The following HAPLN1 variants were observed in gnomAD, a reference collection of about 807,000 sequenced individuals.
The protein encoded by HAPLN1 is Cartilage link protein.
HAPLN1 carries 13 observed loss-of-function variants against 36.5 expected under a neutral mutation model. That is an observed-to-expected ratio of 0.36 (90% CI 0.23 to 0.57). The LOEUF (loss-of-function observed/expected upper bound fraction) is 0.57. HAPLN1 is among the 20% of genes least tolerant of loss of function. The probability of loss-of-function intolerance (pLI) is 0.83; values close to 1 mark genes in which losing one functional copy is unlikely to be tolerated. For missense variants in HAPLN1, 407 were observed against 439.7 expected, an observed-to-expected ratio of 0.93 and a Z score of 0.66; for synonymous variants, 202 against 169.8, an observed-to-expected ratio of 1.19 and a Z score of -1.48.
intron 1 of HAPLN1, among the ~76,000 whole-genome samples, chr5:83,719,229 G>A (rs140035300): frequency 4.6e-5 from 7 of 152,274 alleles, no homozygotes; most frequent in African/African-American, 1.7e-4. Context: ...AGTACATAAT[G>A]TTTCCCCACC....
intron 2 of HAPLN1, among the ~76,000 whole-genome samples, chr5:83,655,076 AT>A (rs1178247049): frequency 6.6e-6 from 1 of 152,232 alleles, no homozygotes; most frequent in Non-Finnish European, 1.5e-5. Context: ...TTAGTCTTCC[AT>A]AATTTCACTT....
rs182020995 is a variant in HAPLN1 at position 83,639,436 on chromosome 5, T to G, written c.*2060A>C. On this transcript the variant is annotated 3_prime_UTR_variant, in exon 5 of 5. Transcript: ENST00000274341. Reference sequence around the variant, plus strand: ...CATTTAACATTATAAAGTAGAGTTCTGGACATAACTGAAAATTAGATGTTT... The same window carrying G: ...CATTTAACATTATAAAGTAGAGTTCGGGACATAACTGAAAATTAGATGTTT... The G allele has an allele frequency of 6.6e-6, 1 of 152,212 alleles. No homozygotes were observed. Among genetic ancestry groups the G allele is most frequent in the African/African-American group, 2.4e-5 (1 of 41,584 alleles). The allele number at this position is 152,212 out of a possible 1,614,324, so 9.4% of individuals were successfully genotyped here.
intron 3 of HAPLN1, among the ~76,000 whole-genome samples, chr5:83,647,524 T>A (rs1233287572): frequency 1.3e-5 from 2 of 152,218 alleles, no homozygotes; most frequent in Non-Finnish European, 2.9e-5. Flanking sequence ...ATTTTATTTG[T>A]TTACTTATTA....
intron 1 of HAPLN1, chr5:83,674,875 G>A (rs1399896284): frequency 6.6e-6 from 1 of 152,160 alleles, no homozygotes; most frequent in African/African-American, 2.4e-5. Context: ...CCCCTGTGAA[G>A]ATTTGCACTA....
At chr5:83,713,052 A>T in intron 1 of HAPLN1, among the ~76,000 whole-genome samples, 1 of 152,208 alleles carries the variant, frequency 6.6e-6, no homozygotes, top group East Asian at 1.9e-4. Context: ...ATGGTAAGCT[A>T]AACAACATGG....
chr5:83,673,818 G>A, intron 1 of HAPLN1: 1 of 302,592 alleles, frequency 3.3e-6, no homozygotes, highest in Non-Finnish European at 6.1e-6. Flanking sequence ...ACTGTAGTTT[G>A]GATAGAGAAT....
chr5:83,663,888 G>C (rs1358876283), intron 2 of HAPLN1, among the ~76,000 whole-genome samples: 1 of 139,806 alleles, frequency 7.2e-6, no homozygotes, highest in Non-Finnish European at 1.5e-5. Context: ...TTTCTCACCT[G>C]AACTTTCAAG....
chr5:83,664,715 A>C (rs336952), intron 2 of HAPLN1, among the ~76,000 whole-genome samples: 56,544 of 151,962 alleles, frequency 0.37, 10,729 homozygotes, highest in East Asian at 0.55. Flanking sequence ...TTTATATGTA[A>C]TTTTGCTTTC....
At chr5:83,648,395 C>CCATATATATA (rs1248172103) in intron 3 of HAPLN1, among the ~76,000 whole-genome samples, 15 of 60,666 alleles carry the variant, frequency 2.5e-4, no homozygotes, top group African/African-American at 8.3e-4. Context: ...CTATATTTGA[C>CCATATATATA]TATATATATA....
chr5:83,655,779 T>C (rs1750192264), intron 2 of HAPLN1, among the ~76,000 whole-genome samples: 1 of 152,148 alleles, frequency 6.6e-6, no homozygotes, highest in African/African-American at 2.4e-5. Context: ...CCTTAGCTGT[T>C]GGACTCTGCT....
intron 2 of HAPLN1, among the ~76,000 whole-genome samples, chr5:83,656,228 T>C: frequency 6.9e-6 from 1 of 145,422 alleles, no homozygotes; most frequent in African/African-American, 2.6e-5. Flanking sequence ...CTCGGGAGGC[T>C]GAAGCAGGAG....
rs2112562465 is a variant in HAPLN1, at chr5:83,649,613, TA to T, written c.472+2839del. ...ACAGGCACGTACCACCATGCCAGGCTAATTTTTGTATTTTTAGTAGAGATGG... is the reference window on the plus strand; with the variant it reads ...ACAGGCACGTACCACCATGCCAGGCTATTTTTGTATTTTTAGTAGAGATGG... On this transcript the variant is annotated intron_variant, in intron 3 of 4. Transcript: ENST00000274341. 1.3e-5 allele frequency among the ~76,000 whole-genome samples: 2 copies of T among 152,202 alleles called. 1 individual carries two copies. Among genetic ancestry groups the T allele is most frequent in the South Asian group, 4.2e-4 (2 of 4,814 alleles).
chr5:83,705,324 A>G (rs1431667568), intron 1 of HAPLN1, among the ~76,000 whole-genome samples: 1 of 140,600 alleles, frequency 7.1e-6, no homozygotes, highest in Admixed American at 7.7e-5. Flanking sequence ...TGGGAGGCGG[A>G]GATTTCAGTG....
At chr5:83,704,830 A>G (rs1013962047) in intron 1 of HAPLN1, among the ~76,000 whole-genome samples, 3 of 152,214 alleles carry the variant, frequency 2.0e-5, no homozygotes, top group African/African-American at 7.2e-5. Context: ...TTCCACTGAC[A>G]GTATTAGACA....
intron 1 of HAPLN1, among the ~76,000 whole-genome samples, chr5:83,707,179 T>G (rs2085451): frequency 6.6e-6 from 1 of 151,952 alleles, no homozygotes; most frequent in Non-Finnish European, 1.5e-5. Context: ...TATAGATTCA[T>G]TGCTATTCCT....
At chr5:83,644,220 TTA>T (rs1749784732) in intron 4 of HAPLN1, 141 bp downstream of exon 4, 1 of 639,722 alleles carries the variant, frequency 1.6e-6, no homozygotes, top group Non-Finnish European at 2.3e-6. Flanking sequence ...CAAGAACTTT[TTA>T]TATCTTTTTA....
chr5:83,667,579 C>T (rs187108887), intron 2 of HAPLN1, among the ~76,000 whole-genome samples: 268 of 152,024 alleles, frequency 1.8e-3, no homozygotes, highest in African/African-American at 5.9e-3. Flanking sequence ...CTCAAAAAGA[C>T]GAAAATGAAT....
Position 83,641,500 on chromosome 5 carries a change from T to C in HAPLN1, c.1061A>G (p.Asn354Ser), listed in dbSNP as rs371820521. 1.9e-6 allele frequency: 3 copies of C among 1,598,812 alleles called. No individual in the cohort carries two copies. Among genetic ancestry groups the C allele is most frequent in the African/African-American group, 1.3e-5 (1 of 74,388 alleles). Residue 354 changes from asparagine (N) to serine (S), a missense_variant, in exon 5 of 5, where the codon AAC becomes AGC. Asn to Ser is a conservative substitution (Grantham distance 46). Coordinates refer to ENST00000274341, the MANE Select transcript of HAPLN1 (RefSeq NM_001884.4). ...LYGVYCFRAY[N>S] Reference sequence around the variant, plus strand: ...TGATGCGCTCTAAGGGCACATTCAGTTGTATGCTCTGAAGCAGTAGACACC... The same window carrying C: ...TGATGCGCTCTAAGGGCACATTCAGCTGTATGCTCTGAAGCAGTAGACACC...
In HAPLN1 at chr5:83,663,002, G is replaced by A. The variant is rs146585548; in HGVS notation, c.101-10178C>T. On this transcript the variant is annotated intron_variant, in intron 2 of 4. Transcript: ENST00000274341. ...GAATCAACAGCCTACAATGGGTCAG[G>A]TAATAAGTTTAGTGCTGAAACAAAA... Among the ~76,000 whole-genome samples, 412 of 152,304 alleles carry A rather than the reference G, an allele frequency of 2.7e-3. 3 individuals are homozygous for A. Among genetic ancestry groups the A allele is most frequent in the Middle Eastern group, 3.4e-3 (1 of 294 alleles).
Sources: gnomAD v4.1 joint callset for allele counts (sites outside exome capture counted in the v4.1 genomes callset) on GRCh38, gnomAD v4.1.1 for gene constraint, MANE v1.5 for transcripts, NCBI Gene and HGNC (gene_info 2026-07-23, HGNC 2026-07-21) for gene names.